The following ANGPT2 variants were observed in gnomAD, a reference collection of about 807,000 sequenced individuals.
The protein encoded by ANGPT2 is angiopoietin 2.
Under a neutral mutation model 62.9 loss-of-function variants are expected in ANGPT2, and 28 were observed. That is an observed-to-expected ratio of 0.44 (90% CI 0.33 to 0.61). The LOEUF (loss-of-function observed/expected upper bound fraction) is 0.61. Ranked by LOEUF, ANGPT2 falls within the 20% of genes least tolerant of loss-of-function variation. The probability of loss-of-function intolerance (pLI) is 0.03; values close to 1 mark genes in which losing one functional copy is unlikely to be tolerated. For missense variants in ANGPT2, 727 were observed against 594.9 expected, an observed-to-expected ratio of 1.22 and a Z score of -2.31; for synonymous variants, 284 against 207.8, an observed-to-expected ratio of 1.37 and a Z score of -3.15.
In ANGPT2 at chr8:6,533,569, CTTTTTTTTT is replaced by C. The variant is rs56882906; in HGVS notation, c.289-1091_289-1083del. The stretch of plus-strand genomic sequence containing the variant: ...ACTCCAGATACTTAGCGTTTAGTTT[CTTTTTTTTT>C]TTTTTTTTTTTTTTAAATAATCTAA... On this transcript the variant is annotated intron_variant, in intron 1 of 8. Transcript: ENST00000629816. Among the ~76,000 whole-genome samples the C allele has an allele frequency of 1.1e-4, 12 of 113,336 alleles. No homozygotes were observed. The South Asian group carries it at 1.2e-3, about 11-fold the overall frequency. 74.4% of individuals were successfully genotyped at this position (113,336 alleles called of 152,430 possible).
At chr8:6,507,997 G>C (rs1186942552) in intron 8 of ANGPT2, 1 of 152,094 alleles carries the variant, frequency 6.6e-6, no homozygotes, top group Non-Finnish European at 1.5e-5. Flanking sequence ...TATGAGTGTG[G>C]TTTTCATTGT....
chr8:6,553,470 G>A (rs990680892), intron 1 of ANGPT2, among the ~76,000 whole-genome samples: 4 of 152,102 alleles, frequency 2.6e-5, no homozygotes, highest in African/African-American at 4.8e-5. Flanking sequence ...TGGTAATTGC[G>A]TCGGCTTCAC....
chr8:6,561,742 G>A (rs1314204799), intron 1 of ANGPT2, among the ~76,000 whole-genome samples: 3 of 152,066 alleles, frequency 2.0e-5, no homozygotes, highest in Non-Finnish European at 2.9e-5. Flanking sequence ...TTCCAGGTTC[G>A]TTTTGGATTT....
At position 6,508,928 on chromosome 8, in the gene ANGPT2, C is replaced by T. The variant is rs1019549728; in HGVS notation, c.1327+4G>A. On this transcript the variant is annotated splice_donor_region_variant and intron_variant, in intron 8 of 8. Transcript: ENST00000629816. ...CAAATAGGAAGACAGAAAGTCATCC[C>T]TACCTCCTGTTAGCATTTGTGAACA... 1.9e-6 allele frequency: 3 copies of T among 1,613,982 alleles called. No homozygotes were observed. Among genetic ancestry groups the T allele is most frequent in the African/African-American group, 1.3e-5 (1 of 74,896 alleles).
At chr8:6,549,437 T>C (rs1823204006) in intron 1 of ANGPT2, among the ~76,000 whole-genome samples, 1 of 152,134 alleles carries the variant, frequency 6.6e-6, no homozygotes, top group South Asian at 2.1e-4. Flanking sequence ...AGGATTGGCG[T>C]TGAGAAGAGG....
At chr8:6,517,400 T>G (rs1415525345) in intron 5 of ANGPT2, among the ~76,000 whole-genome samples, 2 of 152,106 alleles carry the variant, frequency 1.3e-5, no homozygotes, top group African/African-American at 4.8e-5. Context: ...CCTGTGAAAT[T>G]TAGGGAAGGA....
intron 3 of ANGPT2, among the ~76,000 whole-genome samples, chr8:6,527,052 C>T (rs991091403): frequency 1.3e-5 from 2 of 152,222 alleles, no homozygotes; most frequent in Admixed American, 1.3e-4. Context: ...ATAGACCATT[C>T]TGCGTTGAGT....
In ANGPT2 at chr8:6,502,390, C is replaced by T. The variant is rs535162757; in HGVS notation, c.*711G>A. ...ACGGTCTGCATATAAACTAAAATGG[C>T]ACGTTTCTGTTGATAATTTCAGAGA... is the stretch of plus-strand genomic sequence containing the variant. On this transcript the variant is annotated 3_prime_UTR_variant, in exon 9 of 9. Transcript: ENST00000629816. The T allele has an allele frequency of 2.0e-5, 3 of 152,194 alleles. No individual in the cohort carries two copies. Among genetic ancestry groups the T allele is most frequent in the Middle Eastern group, 3.4e-3 (1 of 294 alleles). 9.4% of individuals were successfully genotyped at this position (152,194 alleles called of 1,614,324 possible). A position where few individuals can be genotyped will look rare whatever the true frequency, so the allele number is the denominator to read the frequency against.
At chr8:6,539,958 T>C (rs1004277103) in intron 1 of ANGPT2, among the ~76,000 whole-genome samples, 9 of 152,194 alleles carry the variant, frequency 5.9e-5, no homozygotes, top group African/African-American at 2.2e-4. Context: ...TTCGCTAGTA[T>C]AAGAGACTGA....
chr8:6,553,951 T>C (rs1824133663), intron 1 of ANGPT2, among the ~76,000 whole-genome samples: 1 of 152,062 alleles, frequency 6.6e-6, no homozygotes, highest in South Asian at 2.1e-4. Flanking sequence ...ATAGAAATCT[T>C]CTGTGTGTAG....
At chr8:6,556,113 G>T (rs148654871) in intron 1 of ANGPT2, among the ~76,000 whole-genome samples, 10 of 152,074 alleles carry the variant, frequency 6.6e-5, no homozygotes, top group African/African-American at 2.2e-4. Context: ...CTAACCAAGG[G>T]TGTCAACCAG....
intron 3 of ANGPT2, among the ~76,000 whole-genome samples, chr8:6,522,411 G>C (rs2922895): frequency 0.41 from 62,528 of 151,798 alleles, 13,038 homozygotes; most frequent in Middle Eastern, 0.52. Context: ...TACATTAACA[G>C]TCAATGAATG....
chr8:6,519,891 T>C lies in ANGPT2; in HGVS notation c.900A>G (p.Thr300=). The part of the protein sequence containing the change: ...GHTTNGIYTL[T]FPNSTEEIKA... ...TGATCTCTTCTGTAGAATTAGGGAA[T>C]GTTAACGTGTAGATGCCATTCGTGG... Residue 300 remains threonine (T), a synonymous_variant, in exon 5 of 9, where the codon ACA becomes ACG. Coordinates refer to ENST00000629816, the MANE Select transcript of ANGPT2 (RefSeq NM_001118887.2). 6.2e-7 allele frequency: 1 copy of C among 1,614,090 alleles called. No homozygotes were observed. Among genetic ancestry groups the C allele is most frequent in the Non-Finnish European group, 8.5e-7 (1 of 1,179,952 alleles).
intron 2 of ANGPT2, 132 bp from the exon 3 acceptor site, chr8:6,527,808 T>A (rs892589883): frequency 1.1e-6 from 1 of 869,996 alleles, no homozygotes; most frequent in Non-Finnish European, 1.7e-6. Flanking sequence ...AAGTATCTTA[T>A]TTTGGCATAT....
In ANGPT2 at chr8:6,500,511, G is replaced by C. The variant is rs948800825; in HGVS notation, c.*2590C>G. The C allele has an allele frequency of 3.9e-5, 6 of 154,034 alleles. No homozygotes were observed. The highest frequency in any genetic ancestry group is 1.4e-4 in the African/African-American group (6 of 41,554). 9.5% of individuals were successfully genotyped at this position (154,034 alleles called of 1,614,324 possible). ...TTTGTCACAGTTTATTCATTCAAAAGATTAATAGCTGAAAGATAAATGGTG... is the reference window on the plus strand; with the variant it reads ...TTTGTCACAGTTTATTCATTCAAAACATTAATAGCTGAAAGATAAATGGTG... On this transcript the variant is annotated 3_prime_UTR_variant, in exon 9 of 9. Coordinates refer to ENST00000629816, the MANE Select transcript of ANGPT2 (RefSeq NM_001118887.2).
intron 2 of ANGPT2, among the ~76,000 whole-genome samples, chr8:6,530,381 C>T (rs1237009541): frequency 2.6e-5 from 4 of 151,962 alleles, no homozygotes; most frequent in Non-Finnish European, 4.4e-5. Context: ...TGGTAGCCTG[C>T]ACCTGTAATC....
At chr8:6,530,013 AT>A (rs1405843177) in intron 2 of ANGPT2, among the ~76,000 whole-genome samples, 1 of 151,422 alleles carries the variant, frequency 6.6e-6, no homozygotes, top group African/African-American at 2.4e-5. Context: ...ATTATTTTTT[AT>A]TTTTTTAAAT....
rs778332069 is a variant in ANGPT2 at position 6,508,915 on chromosome 8, C to T, written c.1327+17G>A. The T allele has an allele frequency of 6.2e-6, 10 of 1,614,042 alleles. No homozygotes were observed. Among genetic ancestry groups the T allele is most frequent in the Non-Finnish European group, 8.5e-6 (10 of 1,180,026 alleles). ...TTCCTTGCCAATACAAATAGGAAGA[C>T]AGAAAGTCATCCCTACCTCCTGTTA... is the stretch of plus-strand genomic sequence containing the variant. On this transcript the variant is annotated intron_variant, in intron 8 of 8. Transcript: ENST00000629816.
At chr8:6,514,597 G>T in intron 6 of ANGPT2, 80 bp downstream of exon 6, 1 of 1,236,916 alleles carries the variant, frequency 8.1e-7, no homozygotes, top group Non-Finnish European at 1.2e-6. Flanking sequence ...GTTTGGGATT[G>T]GTGGTTAAGG....
Sources: gnomAD v4.1 joint callset for allele counts (sites outside exome capture counted in the v4.1 genomes callset) on GRCh38, gnomAD v4.1.1 for gene constraint, MANE v1.5 for transcripts, NCBI Gene and HGNC (gene_info 2026-07-23, HGNC 2026-07-21) for gene names.